OR1J2: variants seen among roughly 807,000 people sequenced by gnomAD.
OR1J2 encodes olfactory receptor family 1 subfamily J member 2, also known as olfactory receptor 1J2.
For missense variants in OR1J2, 304 were observed against 246.1 expected, an observed-to-expected ratio of 1.24 and a Z score of -1.57; for synonymous variants, 142 against 99.7, an observed-to-expected ratio of 1.42 and a Z score of -2.52.
chr9:122,519,338 G>T, the OR1J2 span: 4 of 1,614,004 alleles, frequency 2.5e-6, no homozygotes, highest in African/African-American at 5.3e-5. Flanking sequence ...TCAGCCACTT[G>T]GCTCTCACTG....
chr9:122,479,903 G>C, the OR1J2 span, among the ~76,000 whole-genome samples: 5 of 152,008 alleles, frequency 3.3e-5, no homozygotes, highest in Non-Finnish European at 5.9e-5. Flanking sequence ...CTTTTACTGG[G>C]CTTAGTTCAA....
chr9:122,480,957 G>T, the OR1J2 span, among the ~76,000 whole-genome samples: 6 of 152,034 alleles, frequency 3.9e-5, no homozygotes, highest in Non-Finnish European at 4.4e-5. Context: ...ACTACGCCCA[G>T]CTAATTTTTG....
the OR1J2 span, among the ~76,000 whole-genome samples, chr9:122,490,643 C>G: frequency 6.6e-6 from 1 of 151,940 alleles, no homozygotes; most frequent in Non-Finnish European, 1.5e-5. Flanking sequence ...AGGAAAAGAC[C>G]TACAGAAGAG....
At chr9:122,568,223 G>A in the OR1J2 span, 1 of 1,614,174 alleles carries the variant, frequency 6.2e-7, no homozygotes, top group Non-Finnish European at 8.5e-7. Context: ...CTGACAGGAA[G>A]TTCATCAGCA....
upstream of OR1J2, among the ~76,000 whole-genome samples, chr9:122,506,888 T>A (rs901144906): frequency 2.6e-5 from 4 of 152,164 alleles, no homozygotes; most frequent in Non-Finnish European, 5.9e-5. Flanking sequence ...GATCCTGACA[T>A]AGAAAACCAG....
At chr9:122,550,932 A>T in the OR1J2 span, among the ~76,000 whole-genome samples, 1 of 152,138 alleles carries the variant, frequency 6.6e-6, no homozygotes, top group African/African-American at 2.4e-5. Context: ...GGGAAAAAAA[A>T]AAAAGACATC....
chr9:122,450,086 T>C, the OR1J2 span, among the ~76,000 whole-genome samples: 2 of 152,158 alleles, frequency 1.3e-5, no homozygotes, highest in Non-Finnish European at 2.9e-5. Context: ...TGTAGAAAGG[T>C]TAAATCAAGC....
the OR1J2 span, among the ~76,000 whole-genome samples, chr9:122,532,341 G>A: frequency 0.097 from 14,830 of 152,140 alleles, 834 homozygotes; most frequent in African/African-American, 0.14. Context: ...CTATAGCATA[G>A]CCTGCCTTTG....
the OR1J2 span, among the ~76,000 whole-genome samples, chr9:122,487,283 G>A: frequency 6.6e-6 from 1 of 152,074 alleles, no homozygotes; most frequent in Non-Finnish European, 1.5e-5. Flanking sequence ...TCATAGCTGG[G>A]ATGCAGGCCA....
In OR1J2 at chr9:122,510,998, T is replaced by C. The variant is rs1588189677; in HGVS notation, c.197T>C (p.Leu66Ser). The change falls in exon 1 of 1, where the codon TTG becomes TCG. Residue 66 changes from leucine to serine, a missense_variant. Transcript: ENST00000335302. ...CCCATGTACTTCTTCCTCAGCCACT[T>C]GGCTCTCACTGACATCTCCTTTTCA... The part of the protein sequence containing the change: ...HTPMYFFLSH[L>S]ALTDISFSSV... 1 of 1,607,884 alleles carries C rather than the reference T, an allele frequency of 6.2e-7. No individual in the cohort carries two copies.
chr9:122,560,916 T>C, the OR1J2 span, among the ~76,000 whole-genome samples: 26 of 152,292 alleles, frequency 1.7e-4, no homozygotes, highest in Non-Finnish European at 2.4e-4. Flanking sequence ...TATCCTGAAG[T>C]GTGTTTTCCA....
the OR1J2 span, among the ~76,000 whole-genome samples, chr9:122,571,280 G>A: frequency 3.8e-4 from 58 of 152,174 alleles, no homozygotes; most frequent in East Asian, 2.5e-3. Flanking sequence ...TGCCGGGCGC[G>A]GTGGCTCACA....
At chr9:122,467,668 G>C in the OR1J2 span, among the ~76,000 whole-genome samples, 4 of 152,052 alleles carry the variant, frequency 2.6e-5, no homozygotes, top group East Asian at 7.7e-4. Flanking sequence ...GGCACTGCAA[G>C]GTATTAAACT....
chr9:122,507,103 G>A (rs56214002), upstream of OR1J2, among the ~76,000 whole-genome samples: 3,191 of 152,276 alleles, frequency 0.021, 111 homozygotes, highest in African/African-American at 0.071. Flanking sequence ...TGCCTTATCT[G>A]TGGTAGGTTT....
the OR1J2 span, among the ~76,000 whole-genome samples, chr9:122,525,144 G>A: frequency 6.6e-6 from 1 of 152,164 alleles, no homozygotes; most frequent in African/African-American, 2.4e-5. Context: ...GACTCTCTGA[G>A]GGAACATCTG....
chr9:122,483,663 A>G, the OR1J2 span, among the ~76,000 whole-genome samples: 1 of 152,244 alleles, frequency 6.6e-6, no homozygotes, highest in East Asian at 1.9e-4. Context: ...GATATGTGGG[A>G]TGCACCTTTG....
the OR1J2 span, chr9:122,567,770 G>A: frequency 1.2e-6 from 2 of 1,614,068 alleles, no homozygotes; most frequent in Non-Finnish European, 1.7e-6. Flanking sequence ...AGAAGGCTTT[G>A]CGTTTCCCAG....
chr9:122,532,889 C>G, the OR1J2 span, among the ~76,000 whole-genome samples: 1 of 151,986 alleles, frequency 6.6e-6, no homozygotes, highest in African/African-American at 2.4e-5. Flanking sequence ...GGAGATTAGT[C>G]GGACACGATC....
the OR1J2 span, among the ~76,000 whole-genome samples, chr9:122,479,308 G>A: frequency 6.6e-6 from 1 of 152,122 alleles, no homozygotes; most frequent in South Asian, 2.1e-4. Context: ...TCCCCAGGAT[G>A]GCTTTCAAAG....
Sources: allele counts gnomAD v4.1 joint callset (sites outside exome capture counted in the v4.1 genomes callset), GRCh38; gene constraint gnomAD v4.1.1; transcripts MANE v1.5; gene names NCBI Gene and HGNC (gene_info 2026-07-23, HGNC 2026-07-21).